KDM3A: variants seen among roughly 807,000 people sequenced by gnomAD.
The protein encoded by KDM3A is lysine-specific demethylase 3A.
Under a neutral mutation model 158.0 loss-of-function variants are expected in KDM3A, and 60 were observed. That is an observed-to-expected ratio of 0.38 (90% CI 0.31 to 0.47). The LOEUF is 0.47. KDM3A is among the 20% of genes least tolerant of loss of function. KDM3A has a pLI of 0.99. For synonymous variants in KDM3A, 608 were observed against 549.3 expected (o/e 1.11, Z -1.49); for missense variants, 1,319 against 1,574.3 (o/e 0.84, Z 2.74).
intron 2 of KDM3A, among the ~76,000 whole-genome samples, chr2:86,448,555 G>A (rs1683043934): frequency 6.6e-6 from 1 of 152,192 alleles, no homozygotes; most frequent in Non-Finnish European, 1.5e-5. Flanking sequence ...AAAACTTTGA[G>A]TACAGTTAGT....
chr2:86,479,635 T>A (rs896623525), intron 15 of KDM3A: 1 of 152,518 alleles, frequency 6.6e-6, no homozygotes, highest in African/African-American at 2.4e-5. Context: ...TGCCAGTTTT[T>A]AAAATTATTT....
At chr2:86,490,621 G>A in intron 23 of KDM3A, 1 of 324,494 alleles carries the variant, frequency 3.1e-6, no homozygotes, top group Non-Finnish European at 5.6e-6. Flanking sequence ...CTAAAATATT[G>A]TTTAAATACA....
intron 10 of KDM3A, chr2:86,467,247 A>C (rs1417735313): frequency 6.3e-6 from 1 of 158,572 alleles, no homozygotes; most frequent in African/African-American, 2.4e-5. Context: ...GTGGTTCCCA[A>C]TTCTTAGGTT....
Position 86,466,632 on chromosome 2 carries a change from C to T in KDM3A, c.1268C>T (p.Ser423Phe), listed in dbSNP as rs1177039022. The change falls in exon 10 of 26, where the codon TCT becomes TTT. Residue 423 changes from serine to phenylalanine, a missense_variant. Ser to Phe is a radical substitution (Grantham distance 155). Around this residue, in one of 4 missense-constraint regions of KDM3A, gnomAD observed 652 missense variants for 627.2 expected, o/e 1.04. Transcript: ENST00000312912. ...AAGGAGTGCTTACCTACAAAGGCTT[C>T]TTCTAAGGCAGAATTGGAAATTGCC... ...LPKECLPTKA[S>F]SKAELEIANP... 1 of 1,613,968 alleles carries T rather than the reference C, an allele frequency of 6.2e-7. No individual in the cohort carries two copies. The highest frequency in any genetic ancestry group is 2.2e-5 in the East Asian group (1 of 44,880).
At chr2:86,441,947 C>T (rs1682735873) in intron 1 of KDM3A, 71 bp from the exon 2 acceptor site, 2 of 1,303,704 alleles carry the variant, frequency 1.5e-6, no homozygotes, top group Admixed American at 1.9e-5. Context: ...TCCGCCCGCC[C>T]TCCCTGCTGT....
chr2:86,478,127 CAG>C (rs766737734), intron 13 of KDM3A, 41 bp from the exon 14 acceptor site: 278 of 1,607,696 alleles, frequency 1.7e-4, no homozygotes, highest in Non-Finnish European at 2.2e-4. Flanking sequence ...CATGTGGAGA[CAG>C]AGTCTGTAAA....
intron 2 of KDM3A, among the ~76,000 whole-genome samples, chr2:86,447,342 G>A (rs1368528481): frequency 2.7e-5 from 4 of 146,498 alleles, no homozygotes; most frequent in Non-Finnish European, 6.0e-5. Flanking sequence ...AAGGGGCCCT[G>A]TCTGTCTTTT....
At chr2:86,471,717 T>C (rs1673419588) in intron 11 of KDM3A, among the ~76,000 whole-genome samples, 1 of 152,222 alleles carries the variant, frequency 6.6e-6, no homozygotes, top group South Asian at 2.1e-4. Context: ...TTTAACGAAG[T>C]AAGAGTTTTT....
At chr2:86,451,294 T>A (rs1359649827) in intron 4 of KDM3A, 81 bp downstream of exon 4, 2 of 843,220 alleles carry the variant, frequency 2.4e-6, no homozygotes, top group African/African-American at 3.4e-5. Context: ...CAGTTGAACC[T>A]TAAATAGTGT....
intron 2 of KDM3A, among the ~76,000 whole-genome samples, chr2:86,442,789 G>C (rs1264668171): frequency 6.6e-6 from 1 of 152,114 alleles, no homozygotes; most frequent in Non-Finnish European, 1.5e-5. Flanking sequence ...GTTCCTGGTT[G>C]TCTGTGATGA....
At chr2:86,471,859 C>T (rs956619695) in intron 11 of KDM3A, among the ~76,000 whole-genome samples, 2 of 152,154 alleles carry the variant, frequency 1.3e-5, no homozygotes, top group Non-Finnish European at 2.9e-5. Flanking sequence ...TTCTGAATAA[C>T]GCCTGGCCCA....
intron 9 of KDM3A, among the ~76,000 whole-genome samples, chr2:86,465,314 A>G (rs187588416): frequency 4.2e-4 from 64 of 151,896 alleles, no homozygotes; most frequent in Non-Finnish European, 6.3e-4. Context: ...CAAGAATGAA[A>G]TTATTCTCTG....
rs1349159890 is a variant in KDM3A, at chr2:86,492,352, T to C, written c.*233T>C. Reference sequence around the variant, plus strand: ...TGTGACTTCTCACCTAGTGCAGAACTTTTACCAGGCTGTAAAAGCAAAACC... The same window carrying C: ...TGTGACTTCTCACCTAGTGCAGAACCTTTACCAGGCTGTAAAAGCAAAACC... On this transcript the variant is annotated 3_prime_UTR_variant, in exon 26 of 26. Coordinates refer to ENST00000312912, the MANE Select transcript of KDM3A (RefSeq NM_018433.6). The C allele has an allele frequency of 4.5e-6, 2 of 447,078 alleles. No homozygotes were observed. Among genetic ancestry groups the C allele is most frequent in the Non-Finnish European group, 8.0e-6 (2 of 249,432 alleles). The allele number at this position is 447,078 out of a possible 1,614,324, so 27.7% of individuals were successfully genotyped here. A position where few individuals can be genotyped will look rare whatever the true frequency, so the allele number is the denominator to read the frequency against.
At chr2:86,441,892 G>C in intron 1 of KDM3A, 126 bp from the exon 2 acceptor site, 1 of 598,860 alleles carries the variant, frequency 1.7e-6, no homozygotes, top group South Asian at 2.2e-5. Flanking sequence ...GGGGGGCTCG[G>C]TGCGGGTCCG....
At chr2:86,483,630 C>T (rs113065225) in intron 18 of KDM3A, 359 of 159,892 alleles carry the variant, frequency 2.2e-3, no homozygotes, top group African/African-American at 8.1e-3. Flanking sequence ...GGCTCAAGTA[C>T]GGTGGGGTCA....
rs369252210 is a variant in KDM3A, at chr2:86,464,141, G to A, written c.932G>A (p.Ser311Asn). ...LLGCTAATPP[S>N]KDPRQQSTPQ... ...GGCTGTACTGCGGCAACTCCACCTA[G>A]TAAGGACCCAAGACAGCAAAGTACT... Residue 311 changes from serine (S) to asparagine (N), a missense_variant, in exon 9 of 26, where the codon AGT becomes AAT. Ser to Asn is a conservative substitution (Grantham distance 46). Coordinates refer to ENST00000312912, the MANE Select transcript of KDM3A (RefSeq NM_018433.6). The A allele has an allele frequency of 6.2e-7, 1 of 1,612,918 alleles. No homozygotes were observed. The highest frequency in any genetic ancestry group is 1.3e-5 in the African/African-American group (1 of 74,920).
chr2:86,440,671 C>T (rs992541867), upstream of KDM3A: 5 of 152,256 alleles, frequency 3.3e-5, no homozygotes, highest in Admixed American at 1.3e-4. Flanking sequence ...CCACGCCTTT[C>T]TTCATTTATC....
upstream of KDM3A, among the ~76,000 whole-genome samples, chr2:86,438,218 T>C (rs1682522941): frequency 6.6e-6 from 1 of 152,154 alleles, no homozygotes; most frequent in Admixed American, 6.5e-5. Flanking sequence ...GTGTATCTAT[T>C]GAGATAATCA....
intron 18 of KDM3A, 193 bp from the exon 19 acceptor site, chr2:86,483,778 TTGAGAGCAAGGGTGTG>T: frequency 2.3e-6 from 1 of 438,650 alleles, no homozygotes; most frequent in East Asian, 3.9e-5. Context: ...CCCATGTAGT[TTGAGAGCAAGGGTGTG>T]TAGCAGATGA....
Sources: allele counts gnomAD v4.1 joint callset (sites outside exome capture counted in the v4.1 genomes callset), GRCh38; gene constraint gnomAD v4.1.1; regional missense constraint gnomAD v4.1.1; transcripts MANE v1.5; gene names NCBI Gene and HGNC (gene_info 2026-07-23, HGNC 2026-07-21).